Variants in PARD3 observed in about 807,000 individuals in gnomAD.
The protein encoded by PARD3 is partitioning defective 3 homolog.
Under a neutral mutation model 155.4 loss-of-function variants are expected in PARD3, and 75 were observed. The observed-to-expected ratio is 0.48, with a 90% CI of 0.40 to 0.58. PARD3 has a LOEUF of 0.58. PARD3 is among the 20% of genes least tolerant of loss of function. PARD3 has a pLI of 0.00. For missense variants in PARD3, 1,642 were observed against 1,721.7 expected (o/e 0.95, Z 0.82); for synonymous variants, 576 against 610.5 (o/e 0.94, Z 0.83).
intron 23 of PARD3, among the ~76,000 whole-genome samples, chr10:34,126,471 G>A (rs890296512): frequency 1.5e-4 from 23 of 152,130 alleles, no homozygotes; most frequent in African/African-American, 5.5e-4. Flanking sequence ...AACTAATATG[G>A]GCTCAGTTGT....
chr10:34,734,937 T>G (rs146833469), intron 1 of PARD3, among the ~76,000 whole-genome samples: 3 of 150,278 alleles, frequency 2.0e-5, no homozygotes, highest in Non-Finnish European at 4.4e-5. Context: ...ACAGAAAATA[T>G]ATTTTCAATG....
chr10:34,382,695 A>G lies in PARD3; in HGVS notation c.1244T>C (p.Ile415Thr), dbSNP rs140098714. 2.0e-3 allele frequency: 3,305 copies of G among 1,614,162 alleles called. 6 individuals carry two copies. The highest frequency in any genetic ancestry group is 2.6e-3 in the Non-Finnish European group (3,024 of 1,180,030). The change falls in exon 9 of 25, where the codon ATA (isoleucine) becomes ACA (threonine). Residue 415 changes from isoleucine (I) to threonine (T), a missense_variant. Physicochemically the swap from Ile to Thr is moderately conservative, Grantham distance 89 (BLOSUM62 -1). Transcript: ENST00000374788. ...ATGAGGTAGTCTTGAGTGAGAGTCT[A>G]TCTGCTCAGGCGGGTGGTTCAGTCG... Reference protein sequence around the residue: ...APRLNHPPEQIDSHSRLPHSA... With the variant: ...APRLNHPPEQTDSHSRLPHSA...
chr10:34,759,367 T>C (rs983938498), intron 1 of PARD3, among the ~76,000 whole-genome samples: 9 of 152,202 alleles, frequency 5.9e-5, no homozygotes. Flanking sequence ...ACTTACTAGA[T>C]ACACTGTGCT....
At chr10:34,499,886 C>T (rs935263645) in intron 3 of PARD3, among the ~76,000 whole-genome samples, 1 of 152,208 alleles carries the variant, frequency 6.6e-6, no homozygotes, top group Non-Finnish European at 1.5e-5. Flanking sequence ...AACCTACACA[C>T]ACCATCCAGG....
At chr10:34,720,340 GT>G (rs1412161208) in intron 1 of PARD3, among the ~76,000 whole-genome samples, 1 of 144,678 alleles carries the variant, frequency 6.9e-6, no homozygotes, top group Non-Finnish European at 1.5e-5. Context: ...GAGGACAACT[GT>G]TTGATTCTCT....
At chr10:34,445,659 T>C (rs1338100914) in intron 5 of PARD3, among the ~76,000 whole-genome samples, 1 of 152,126 alleles carries the variant, frequency 6.6e-6, no homozygotes, top group Non-Finnish European at 1.5e-5. Context: ...AAGAATATAC[T>C]ACTTCCTTAA....
intron 2 of PARD3, among the ~76,000 whole-genome samples, chr10:34,624,180 C>T (rs1196857505): frequency 2.6e-5 from 4 of 152,106 alleles, no homozygotes; most frequent in Admixed American, 6.5e-5. Context: ...TGACTGCATG[C>T]GTCTCCCACG....
intron 5 of PARD3, among the ~76,000 whole-genome samples, chr10:34,438,804 A>G (rs934090175): frequency 2.0e-5 from 3 of 152,212 alleles, no homozygotes; most frequent in Non-Finnish European, 4.4e-5. Context: ...AGAAGGCTGC[A>G]GGGATATCAC....
At chr10:34,555,357 A>G (rs1351588011) in intron 2 of PARD3, among the ~76,000 whole-genome samples, 3 of 152,190 alleles carry the variant, frequency 2.0e-5, no homozygotes, top group Non-Finnish European at 4.4e-5. Context: ...TTCCATCTCA[A>G]CAGAATGATA....
At chr10:34,294,223 G>C (rs1956802865) in intron 20 of PARD3, among the ~76,000 whole-genome samples, 1 of 152,204 alleles carries the variant, frequency 6.6e-6, no homozygotes, top group Non-Finnish European at 1.5e-5. Context: ...ATCTTTGTTT[G>C]AGTTATAAAC....
At chr10:34,365,347 T>G (rs1839857002) in intron 12 of PARD3, among the ~76,000 whole-genome samples, 1 of 152,224 alleles carries the variant, frequency 6.6e-6, no homozygotes, top group African/African-American at 2.4e-5. Flanking sequence ...AGAAAGTATT[T>G]GTGACTAAGA....
At chr10:34,719,008 G>C (rs1324532229) in intron 1 of PARD3, among the ~76,000 whole-genome samples, 4 of 152,092 alleles carry the variant, frequency 2.6e-5, no homozygotes. Context: ...ATGGTGTATT[G>C]GAACAACCAG....
intron 2 of PARD3, among the ~76,000 whole-genome samples, chr10:34,605,224 G>C (rs1291744622): frequency 1.8e-5 from 2 of 111,822 alleles, no homozygotes; most frequent in East Asian, 5.2e-4. Context: ...ACGGAGTCTG[G>C]CTCTGTCACC....
chr10:34,150,781 C>G (rs1050809421), intron 22 of PARD3, among the ~76,000 whole-genome samples: 6 of 152,044 alleles, frequency 3.9e-5, no homozygotes, highest in Non-Finnish European at 8.8e-5. Context: ...TCACTAGTTA[C>G]AAAAAACTCT....
Position 34,395,753 on chromosome 10 carries a change from C to T in PARD3, c.890+3577G>A, listed in dbSNP as rs1229728858. 8.0e-5 allele frequency among the ~76,000 whole-genome samples: 6 copies of T among 75,090 alleles called. 2 individuals are homozygous for T. Among genetic ancestry groups the T allele is most frequent in the Non-Finnish European group, 1.3e-4 (6 of 46,160 alleles). The allele number at this position is 75,090 out of a possible 152,430, so 49.3% of individuals were successfully genotyped here. A position where few individuals can be genotyped will look rare whatever the true frequency, so the allele number is the denominator to read the frequency against. ...TCGGGAGGCTGAGGCAGGAGAATGGCGTGAACCCGGGAAGCGGAGCTTGCA... is the reference window on the plus strand; with the variant it reads ...TCGGGAGGCTGAGGCAGGAGAATGGTGTGAACCCGGGAAGCGGAGCTTGCA... On this transcript the variant is annotated intron_variant, in intron 7 of 24. Coordinates refer to ENST00000374788, the MANE Select transcript of PARD3 (RefSeq NM_001184785.2).
intron 22 of PARD3, among the ~76,000 whole-genome samples, chr10:34,188,797 A>G (rs935049211): frequency 6.6e-6 from 1 of 151,716 alleles, no homozygotes; most frequent in Non-Finnish European, 1.5e-5. Context: ...CCAACTCCCC[A>G]GAAGATGCTC....
rs1261849979 is a variant in PARD3, at chr10:34,625,922, C to T, written c.222+70396G>A. Among the ~76,000 whole-genome samples, 5 of 152,234 alleles carry T rather than the reference C, an allele frequency of 3.3e-5. No individual in the cohort carries two copies. The South Asian group carries it at 6.2e-4, about 19-fold the overall frequency. ...GCGAAACTCCACCTCAAAACAAAAA[C>T]AAAAACAAGTCAACTTCACCAGAGC... On this transcript the variant is annotated intron_variant, in intron 2 of 24. Coordinates refer to ENST00000374788, the MANE Select transcript of PARD3 (RefSeq NM_001184785.2).
intron 3 of PARD3, among the ~76,000 whole-genome samples, chr10:34,498,516 C>A (rs1243386130): frequency 2.0e-5 from 3 of 152,196 alleles, no homozygotes; most frequent in African/African-American, 7.2e-5. Flanking sequence ...GTTGCTCACA[C>A]CTGTAATTTC....
intron 3 of PARD3, among the ~76,000 whole-genome samples, chr10:34,514,269 T>C (rs1176734895): frequency 6.6e-6 from 1 of 152,218 alleles, no homozygotes; most frequent in Non-Finnish European, 1.5e-5. Context: ...TTATTTATCT[T>C]CAATTAAGCA....
Sources: gnomAD v4.1 joint callset for allele counts (sites outside exome capture counted in the v4.1 genomes callset) on GRCh38, gnomAD v4.1.1 for gene constraint, MANE v1.5 for transcripts, NCBI Gene and HGNC (gene_info 2026-07-23, HGNC 2026-07-21) for gene names.